The following DSG3 variants were observed in gnomAD, a reference collection of about 807,000 sequenced individuals.
The protein encoded by DSG3 is desmoglein 3.
A neutral mutation model predicts 85.9 loss-of-function variants in DSG3; 63 were observed. The observed-to-expected ratio is 0.73, with a 90% confidence interval of 0.60 to 0.90. The LOEUF (loss-of-function observed/expected upper bound fraction) is 0.90. Among genes scored for constraint, DSG3 ranks in the 40% least tolerant of loss-of-function variants. The probability of loss-of-function intolerance (pLI) is 0.00; values close to 1 mark genes in which losing one functional copy is unlikely to be tolerated. For synonymous variants in DSG3, 447 were observed against 441.9 expected, an observed-to-expected ratio of 1.01 and a Z score of -0.14; for missense variants, 1,220 against 1,219.9, an observed-to-expected ratio of 1.00 and a Z score of 0.00.
chr18:31,452,173 A>C (rs2072715377), intron 1 of DSG3, among the ~76,000 whole-genome samples: 1 of 152,180 alleles, frequency 6.6e-6, no homozygotes, highest in South Asian at 2.1e-4. Context: ...GTCAAGAAAG[A>C]GAACAATCTT....
At chr18:31,458,369 G>T in intron 3 of DSG3, 76 bp from the exon 4 acceptor site, 1 of 1,468,366 alleles carries the variant, frequency 6.8e-7, no homozygotes, top group South Asian at 1.3e-5. Context: ...GATGACTTTA[G>T]ACTATGGAAG....
At chr18:31,464,483 T>A in intron 9 of DSG3, 101 bp downstream of exon 9, 1 of 1,284,132 alleles carries the variant, frequency 7.8e-7, no homozygotes, top group Non-Finnish European at 1.0e-6. Flanking sequence ...AATAGAGATA[T>A]GACATTGATT....
intron 11 of DSG3, among the ~76,000 whole-genome samples, chr18:31,467,734 G>A (rs2072830902): frequency 6.6e-6 from 1 of 152,112 alleles, no homozygotes; most frequent in Non-Finnish European, 1.5e-5. Flanking sequence ...TTTTTCCCTA[G>A]CTCCTTTCTG....
At chr18:31,448,885 TA>T in intron 1 of DSG3, among the ~76,000 whole-genome samples, 1 of 152,140 alleles carries the variant, frequency 6.6e-6, no homozygotes, top group Non-Finnish European at 1.5e-5. Flanking sequence ...AGGACTTTCT[TA>T]GCTCTCCCTA....
At chr18:31,458,002 A>C (rs2072759834) in intron 3 of DSG3, among the ~76,000 whole-genome samples, 1 of 152,154 alleles carries the variant, frequency 6.6e-6, no homozygotes, top group Non-Finnish European at 1.5e-5. Flanking sequence ...AATAATAATA[A>C]GTAAATTATT....
intron 2 of DSG3, among the ~76,000 whole-genome samples, chr18:31,456,772 C>T (rs1464309977): frequency 2.0e-5 from 3 of 151,990 alleles, no homozygotes; most frequent in Admixed American, 1.3e-4. Context: ...ATATAAAATA[C>T]GACTAAATGC....
chr18:31,461,291 T>C lies in DSG3; in HGVS notation c.878T>C (p.Leu293Ser). The C allele has an allele frequency of 6.2e-7, 1 of 1,613,638 alleles. No homozygotes were observed. The highest frequency in any genetic ancestry group is 8.5e-7 in the Non-Finnish European group (1 of 1,179,752). Residue 293 changes from leucine (L) to serine (S), a missense_variant, in exon 8 of 16, where the codon TTG becomes TCG. Leu to Ser is a moderately radical substitution (Grantham distance 145, BLOSUM62 -2). Coordinates refer to ENST00000257189, the MANE Select transcript of DSG3 (RefSeq NM_001944.3). ...SELLRFQVTD[L>S]DEEYTDNWLA... ...TTACTTCGATTTCAAGTAACAGATT[T>C]GGATGAAGAGTACACAGATAATTGG... is the stretch of plus-strand genomic sequence containing the variant.
In DSG3 at chr18:31,459,941, G is replaced by A; in HGVS notation, c.614G>A (p.Gly205Asp). ...AFKIVSQEPA[G>D]TPMFLLSRNT... ...AAAATTGTCTCTCAGGAACCAGCAG[G>A]CACACCCATGTTCCTCCTAAGCAGA... The change falls in exon 6 of 16, where the codon GGC becomes GAC. Residue 205 changes from glycine (G) to aspartate (D), a missense_variant. Coordinates refer to ENST00000257189, the MANE Select transcript of DSG3 (RefSeq NM_001944.3). 9.9e-6 allele frequency: 16 copies of A among 1,613,976 alleles called. No homozygotes were observed. The highest frequency in any genetic ancestry group is 1.4e-5 in the Non-Finnish European group (16 of 1,179,998).
At chr18:31,461,206 T>C in intron 7 of DSG3, 21 bp from the exon 8 acceptor site, 1 of 1,593,518 alleles carries the variant, frequency 6.3e-7, no homozygotes, top group Non-Finnish European at 8.5e-7. Context: ...AGGTCTTTAA[T>C]TCTGCTTCTC....
intron 1 of DSG3, 131 bp downstream of exon 1, chr18:31,448,056 G>C (rs1461855604): frequency 1.7e-6 from 1 of 576,950 alleles, no homozygotes; most frequent in Non-Finnish European, 2.7e-6. Flanking sequence ...ACTTTGAAAT[G>C]AAATCGTGAA....
chr18:31,470,207 TTTA>T (rs2072847442), intron 12 of DSG3, among the ~76,000 whole-genome samples: 1 of 152,120 alleles, frequency 6.6e-6, no homozygotes, highest in Non-Finnish European at 1.5e-5. Flanking sequence ...ACTTTCTTAA[TTTA>T]TTATAAAAAT....
chr18:31,448,087 T>G (rs2072689417), intron 1 of DSG3, among the ~76,000 whole-genome samples, 162 bp downstream of exon 1: 1 of 123,856 alleles, frequency 8.1e-6, no homozygotes, highest in East Asian at 2.1e-4. Flanking sequence ...TTCCTTCTTT[T>G]GTTGTTTTTT....
chr18:31,469,124 C>A lies in DSG3; in HGVS notation c.1672C>A (p.Pro558Thr), dbSNP rs772341357. 2.0e-5 allele frequency: 32 copies of A among 1,614,098 alleles called. 1 individual carries two copies. The highest frequency in any genetic ancestry group is 8.9e-5 in the East Asian group (4 of 44,902). Residue 558 changes from proline to threonine, a missense_variant, in exon 12 of 16, where the codon CCT becomes ACT. Coordinates refer to ENST00000257189, the MANE Select transcript of DSG3 (RefSeq NM_001944.3). ...SALLRAQEQI[P>T]PGVYHISLVL... ...CCTCCTCAGAGCCCAGGAACAGATA[C>A]CTCCTGGAGTATACCACATCTCCCT...
At chr18:31,465,486 G>A in intron 10 of DSG3, 29 bp downstream of exon 10, 1 of 1,403,054 alleles carries the variant, frequency 7.1e-7, no homozygotes, top group Admixed American at 2.8e-5. Flanking sequence ...TCATTTCAGA[G>A]GAATGTTATC....
chr18:31,462,826 A>C (rs2072794431), intron 8 of DSG3, among the ~76,000 whole-genome samples: 1 of 152,088 alleles, frequency 6.6e-6, no homozygotes, highest in African/African-American at 2.4e-5. Flanking sequence ...CATTCTTACC[A>C]GTGCACCACC....
intron 12 of DSG3, among the ~76,000 whole-genome samples, chr18:31,471,345 A>G (rs993157789): frequency 6.6e-6 from 1 of 152,232 alleles, no homozygotes. Context: ...CCTATGATGT[A>G]GATACTATTT....
intron 1 of DSG3, among the ~76,000 whole-genome samples, chr18:31,454,136 T>C (rs8093901): frequency 0.28 from 43,314 of 152,064 alleles, 7,106 homozygotes; most frequent in African/African-American, 0.47. Flanking sequence ...ACCTACTTCC[T>C]GGGAAAACAA....
chr18:31,463,317 G>T (rs184381656), intron 8 of DSG3, among the ~76,000 whole-genome samples: 1 of 152,170 alleles, frequency 6.6e-6, no homozygotes, highest in Non-Finnish European at 1.5e-5. Flanking sequence ...ACTGGAAAAT[G>T]CTTGAGCACA....
At chr18:31,469,459 T>C in intron 12 of DSG3, 110 bp downstream of exon 12, 3 of 1,453,480 alleles carry the variant, frequency 2.1e-6, no homozygotes, top group South Asian at 1.4e-5. Context: ...TCTGATGTTT[T>C]ATAGGTAAAG....
Sources: gnomAD v4.1 joint callset for allele counts (sites outside exome capture counted in the v4.1 genomes callset) on GRCh38, gnomAD v4.1.1 for gene constraint, MANE v1.5 for transcripts, NCBI Gene and HGNC (gene_info 2026-07-23, HGNC 2026-07-21) for gene names.